EYA2: variants seen among roughly 807,000 people sequenced by gnomAD.
The protein encoded by EYA2 is protein phosphatase EYA2.
Under a neutral mutation model 69.2 loss-of-function variants are expected in EYA2, and 31 were observed. That is an observed-to-expected ratio of 0.45 (90% CI 0.34 to 0.60). The LOEUF (loss-of-function observed/expected upper bound fraction) is 0.60. Ranked by LOEUF, EYA2 falls within the 20% of genes least tolerant of loss-of-function variation. The pLI is 0.02. For synonymous variants in EYA2, 257 were observed against 279.4 expected (o/e 0.92, Z 0.80); for missense variants, 622 against 701.2 (o/e 0.89, Z 1.28).
chr20:47,138,132 A>C (rs1284251449), intron 9 of EYA2, among the ~76,000 whole-genome samples: 1 of 151,916 alleles, frequency 6.6e-6, no homozygotes, highest in East Asian at 1.9e-4. Flanking sequence ...TAAAACTTAA[A>C]GTATAATAAT....
At chr20:47,130,561 G>A (rs1470689353) in intron 9 of EYA2, among the ~76,000 whole-genome samples, 4 of 151,614 alleles carry the variant, frequency 2.6e-5, no homozygotes, top group South Asian at 2.1e-4. Context: ...CACCGCGCCC[G>A]GCCGAGAAGG....
At chr20:46,991,253 G>A (rs931690933) in intron 2 of EYA2, among the ~76,000 whole-genome samples, 1 of 152,216 alleles carries the variant, frequency 6.6e-6, no homozygotes, top group East Asian at 1.9e-4. Flanking sequence ...TTGAGAGCCC[G>A]TAGTAACAGG....
chr20:47,072,077 G>T (rs2031333060), intron 5 of EYA2, 108 bp from the exon 6 acceptor site: 1 of 1,000,030 alleles, frequency 1.0e-6, no homozygotes, highest in Non-Finnish European at 1.6e-6. Context: ...CTGCCCAGCT[G>T]TCACCCTTGA....
chr20:47,122,126 G>C (rs1445716878), intron 9 of EYA2, among the ~76,000 whole-genome samples: 1 of 152,048 alleles, frequency 6.6e-6, no homozygotes, highest in Non-Finnish European at 1.5e-5. Context: ...GCATCACTTG[G>C]CTGCAGCTGC....
chr20:46,945,500 C>G (rs1029598801), intron 1 of EYA2, among the ~76,000 whole-genome samples: 1 of 152,202 alleles, frequency 6.6e-6, no homozygotes, highest in East Asian at 1.9e-4. Flanking sequence ...CCCACAGTTG[C>G]GCTGCTTAGT....
intron 1 of EYA2, among the ~76,000 whole-genome samples, chr20:46,977,727 C>T (rs759422740): frequency 6.6e-6 from 1 of 152,200 alleles, no homozygotes; most frequent in Non-Finnish European, 1.5e-5. Flanking sequence ...GCAAAGGAAA[C>T]TGAATTTGCC....
chr20:46,911,746 G>GAA (rs1984654167), intron 1 of EYA2, among the ~76,000 whole-genome samples: 1 of 152,098 alleles, frequency 6.6e-6, no homozygotes. Flanking sequence ...TGGAAAACTC[G>GAA]ATCTCGTGGA....
At chr20:47,176,076 C>CTTTTTTTT (rs35654076) in intron 12 of EYA2, among the ~76,000 whole-genome samples, 2 of 112,494 alleles carry the variant, frequency 1.8e-5, no homozygotes, top group Middle Eastern at 4.1e-3. Flanking sequence ...CACTTAAATT[C>CTTTTTTTT]TTTTTTTTTT....
At chr20:47,104,686 CTCT>C (rs2032524763) in intron 9 of EYA2, among the ~76,000 whole-genome samples, 1 of 152,180 alleles carries the variant, frequency 6.6e-6, no homozygotes, top group South Asian at 2.1e-4. Flanking sequence ...GTTGAAAAGA[CTCT>C]TCTTTCCCCT....
At chr20:47,176,119 ACC>A (rs1275498943) in intron 12 of EYA2, among the ~76,000 whole-genome samples, 2 of 132,258 alleles carry the variant, frequency 1.5e-5, no homozygotes. Context: ...TTGCTCTGTC[ACC>A]CAGGCTGGAA....
At chr20:47,023,638 T>G (rs1438411017) in intron 5 of EYA2, among the ~76,000 whole-genome samples, 24 of 70,568 alleles carry the variant, frequency 3.4e-4, no homozygotes, top group African/African-American at 7.5e-4. Flanking sequence ...GGGTGTTTTT[T>G]TTTTTTTTTT....
At chr20:46,907,357 A>C (rs1214929122) in intron 1 of EYA2, among the ~76,000 whole-genome samples, 1 of 152,234 alleles carries the variant, frequency 6.6e-6, no homozygotes, top group Non-Finnish European at 1.5e-5. Context: ...TACCGAGCTA[A>C]GTCCTCAACA....
At chr20:46,929,513 C>T (rs1364589075) in intron 1 of EYA2, among the ~76,000 whole-genome samples, 1 of 151,972 alleles carries the variant, frequency 6.6e-6, no homozygotes, top group Non-Finnish European at 1.5e-5. Context: ...CATTTAGAGC[C>T]TCTGGCACTA....
At chr20:47,036,382 CTGTT>C (rs1182668161) in intron 5 of EYA2, among the ~76,000 whole-genome samples, 8 of 152,154 alleles carry the variant, frequency 5.3e-5, no homozygotes, top group African/African-American at 1.9e-4. Flanking sequence ...CAGACTCCTG[CTGTT>C]TGTTTAGTGA....
intron 1 of EYA2, among the ~76,000 whole-genome samples, chr20:46,895,948 T>C (rs1467842328): frequency 1.3e-5 from 2 of 152,240 alleles, no homozygotes; most frequent in African/African-American, 4.8e-5. Flanking sequence ...GCGGTCTGAA[T>C]TCTTTTTAAA....
chr20:46,903,821 A>G (rs1984229577), intron 1 of EYA2, among the ~76,000 whole-genome samples: 1 of 152,138 alleles, frequency 6.6e-6, no homozygotes, highest in African/African-American at 2.4e-5. Context: ...ACTCTTTGGG[A>G]TGATAATAAT....
intron 5 of EYA2, among the ~76,000 whole-genome samples, chr20:47,056,118 T>C (rs1318904008): frequency 6.6e-6 from 1 of 152,220 alleles, no homozygotes. Context: ...GAGGCCATTG[T>C]GACATTTAGC....
Position 47,188,764 on chromosome 20 carries a change from A to C in EYA2, c.*631A>C, listed in dbSNP as rs1246621603. 1 of 162,512 alleles carries C rather than the reference A, an allele frequency of 6.2e-6. No homozygotes were observed. The highest frequency in any genetic ancestry group is 1.3e-5 in the Non-Finnish European group (1 of 74,940). The allele number at this position is 162,512 out of a possible 1,614,324, so 10.1% of individuals were successfully genotyped here. Reference sequence around the variant, plus strand: ...TGCCTTACGCTACATCTTGTTTTCTAGGAAGAGGGGGATGCTGGGAAGGAA... The same window carrying C: ...TGCCTTACGCTACATCTTGTTTTCTCGGAAGAGGGGGATGCTGGGAAGGAA... On this transcript the variant is annotated 3_prime_UTR_variant, in exon 16 of 16. Transcript: ENST00000327619.
chr20:47,154,832 T>C (rs1025322723), intron 10 of EYA2, among the ~76,000 whole-genome samples: 2 of 149,696 alleles, frequency 1.3e-5, no homozygotes, highest in African/African-American at 5.0e-5. Context: ...TGTGTGTGTG[T>C]GTGTGTGTGT....
Sources: allele counts gnomAD v4.1 joint callset (sites outside exome capture counted in the v4.1 genomes callset), GRCh38; gene constraint gnomAD v4.1.1; transcripts MANE v1.5; gene names NCBI Gene and HGNC (gene_info 2026-07-23, HGNC 2026-07-21).